Variants in SUMF1 observed in about 807,000 individuals in gnomAD.
SUMF1 encodes the protein sulfatase modifying factor 1.
A neutral mutation model predicts 47.6 loss-of-function variants in SUMF1; 48 were observed. That is an observed-to-expected ratio of 1.01 (90% confidence interval 0.80 to 1.28). The LOEUF (loss-of-function observed/expected upper bound fraction) is 1.28. SUMF1 is among the 50% of genes most tolerant of loss of function. SUMF1 has a pLI of 0.00. For synonymous variants in SUMF1, 230 were observed against 192.1 expected, an observed-to-expected ratio of 1.20 and a Z score of -1.63; for missense variants, 571 against 485.4, an observed-to-expected ratio of 1.18 and a Z score of -1.66.
At chr3:4,280,477 C>A (rs11923474) in intron 8 of SUMF1, among the ~76,000 whole-genome samples, 67,445 of 151,460 alleles carry the variant, frequency 0.45, 15,685 homozygotes, top group African/African-American at 0.56. Flanking sequence ...TTTATAAAGC[C>A]AGATAATCTA....
intron 3 of SUMF1, among the ~76,000 whole-genome samples, chr3:4,438,174 T>C (rs1489118958): frequency 6.6e-6 from 1 of 151,256 alleles, no homozygotes; most frequent in Non-Finnish European, 1.5e-5. Context: ...ATAAATAGCA[T>C]AAAAACTTTT....
intron 3 of SUMF1, among the ~76,000 whole-genome samples, chr3:4,436,847 C>A (rs1702416586): frequency 1.8e-5 from 2 of 108,388 alleles, no homozygotes; most frequent in Admixed American, 1.0e-4. Flanking sequence ...AGAGCTGCAT[C>A]ACCTAAAAAA....
At chr3:4,400,905 G>A (rs1701189168) in intron 7 of SUMF1, among the ~76,000 whole-genome samples, 1 of 151,876 alleles carries the variant, frequency 6.6e-6, no homozygotes, top group Admixed American at 6.6e-5. Flanking sequence ...ATGTTGGTGT[G>A]CTGCATCCAT....
At chr3:4,410,656 C>T (rs1264828013) in intron 7 of SUMF1, among the ~76,000 whole-genome samples, 1 of 152,134 alleles carries the variant, frequency 6.6e-6, no homozygotes, top group Non-Finnish European at 1.5e-5. Flanking sequence ...CATCACAATC[C>T]AGGAAAAGAT....
At chr3:4,044,864 C>T (rs1267529837) in intron 9 of SUMF1, among the ~76,000 whole-genome samples, 1 of 152,136 alleles carries the variant, frequency 6.6e-6, no homozygotes, top group Non-Finnish European at 1.5e-5. Context: ...TTAAGTCAAT[C>T]CAGACATTTT....
intron 8 of SUMF1, among the ~76,000 whole-genome samples, chr3:4,207,639 C>A (rs764986361): frequency 6.6e-6 from 1 of 152,040 alleles, no homozygotes; most frequent in Non-Finnish European, 1.5e-5. Flanking sequence ...GTTAACCTTG[C>A]CATGTGAGGA....
intron 8 of SUMF1, among the ~76,000 whole-genome samples, chr3:4,307,428 A>G (rs369985307): frequency 4.6e-5 from 7 of 152,300 alleles, no homozygotes; most frequent in South Asian, 2.1e-4. Context: ...AGACCTACAC[A>G]TTTAACACAA....
intron 8 of SUMF1, among the ~76,000 whole-genome samples, chr3:4,304,322 A>C (rs191558637): frequency 1.3e-5 from 2 of 152,226 alleles, no homozygotes; most frequent in South Asian, 2.1e-4. Context: ...TTGTATTTTT[A>C]GTAGAGACAG....
chr3:4,322,042 T>C (rs1698847844), intron 8 of SUMF1, among the ~76,000 whole-genome samples: 1 of 152,148 alleles, frequency 6.6e-6, no homozygotes, highest in Non-Finnish European at 1.5e-5. Flanking sequence ...AAGAATCAGA[T>C]AAATTTAAAT....
chr3:4,096,850 T>C (rs1692916687), intron 8 of SUMF1, among the ~76,000 whole-genome samples: 1 of 152,118 alleles, frequency 6.6e-6, no homozygotes, highest in Non-Finnish European at 1.5e-5. Flanking sequence ...TATTTAGTTC[T>C]AATTGAGTCC....
In SUMF1 at chr3:4,467,042, G is replaced by C. The variant is rs1371504161; in HGVS notation, c.204C>G (p.His68Gln). The change falls in exon 1 of 9, where the codon CAC becomes CAG. Residue 68 changes from histidine to glutamine, a missense_variant. Transcript: ENST00000272902. The part of the protein sequence containing the change: ...PGAHGSSAAA[H>Q]RYSREANAPG... The stretch of plus-strand genomic sequence containing the variant: ...GAGCGTTAGCCTCCCGCGAGTATCG[G>C]TGAGCGGCTGCCGAACTGCCATGGG... 2 of 1,573,226 alleles carry C rather than the reference G, an allele frequency of 1.3e-6. No homozygotes were observed. Among genetic ancestry groups the C allele is most frequent in the Non-Finnish European group, 1.7e-6 (2 of 1,160,780 alleles).
chr3:4,419,907 C>T (rs768544822), intron 4 of SUMF1, among the ~76,000 whole-genome samples, 157 bp downstream of exon 4: 57 of 152,212 alleles, frequency 3.7e-4, no homozygotes, highest in Admixed American at 2.1e-3. Context: ...TCTTTACATA[C>T]GTTATTTCCC....
At chr3:4,259,281 T>A (rs538648571) in intron 8 of SUMF1, among the ~76,000 whole-genome samples, 4 of 152,100 alleles carry the variant, frequency 2.6e-5, no homozygotes, top group Non-Finnish European at 5.9e-5. Context: ...AATAAATAAA[T>A]AAATAAAAAT....
chr3:4,438,134 C>G (rs1016062023), intron 3 of SUMF1, among the ~76,000 whole-genome samples: 1 of 151,696 alleles, frequency 6.6e-6, no homozygotes, highest in Non-Finnish European at 1.5e-5. Flanking sequence ...GTAAGACATG[C>G]TTTTCTTACT....
At chr3:4,349,045 G>C (rs1314297905) in intron 8 of SUMF1, among the ~76,000 whole-genome samples, 1 of 152,132 alleles carries the variant, frequency 6.6e-6, no homozygotes, top group African/African-American at 2.4e-5. Flanking sequence ...AAATGAAACT[G>C]TCATCAGAGT....
intron 8 of SUMF1, among the ~76,000 whole-genome samples, chr3:4,261,322 G>A (rs1697080737): frequency 6.6e-6 from 1 of 152,042 alleles, no homozygotes; most frequent in Non-Finnish European, 1.5e-5. Flanking sequence ...GGATAGAGAG[G>A]ACAAGTAAGT....
intron 8 of SUMF1, among the ~76,000 whole-genome samples, chr3:4,113,571 C>T (rs1693358679): frequency 1.3e-5 from 2 of 151,804 alleles, no homozygotes; most frequent in African/African-American, 2.4e-5. Context: ...CATATTATTG[C>T]TAACTATAGT....
At chr3:4,272,978 G>C (rs1036133859) in intron 8 of SUMF1, among the ~76,000 whole-genome samples, 62 of 152,132 alleles carry the variant, frequency 4.1e-4, no homozygotes, top group Non-Finnish European at 1.0e-4. Context: ...AGGAGGCCAA[G>C]GCAGGAGGAA....
At chr3:4,348,793 T>A (rs1699427427) in intron 8 of SUMF1, among the ~76,000 whole-genome samples, 1 of 152,028 alleles carries the variant, frequency 6.6e-6, no homozygotes, top group African/African-American at 2.4e-5. Context: ...GAGAATCACT[T>A]GAACCCAGAA....
Sources: allele counts gnomAD v4.1 joint callset (sites outside exome capture counted in the v4.1 genomes callset), GRCh38; gene constraint gnomAD v4.1.1; transcripts MANE v1.5; gene names NCBI Gene and HGNC (gene_info 2026-07-23, HGNC 2026-07-21).